MYO1B: variants seen among roughly 807,000 people sequenced by gnomAD.
MYO1B encodes myosin IB.
MYO1B carries 72 observed loss-of-function variants against 159.7 expected under a neutral mutation model. The observed-to-expected ratio is 0.45, with a 90% CI of 0.37 to 0.55. The LOEUF is 0.55. Among genes scored for constraint, MYO1B ranks in the 20% least tolerant of loss-of-function variants. The pLI is 0.00. For missense variants in MYO1B, 1,062 were observed against 1,364.8 expected (o/e 0.78, Z 3.50); for synonymous variants, 468 against 473.8 (o/e 0.99, Z 0.16).
At chr2:191,280,704 T>C (rs1209149110) in intron 2 of MYO1B, among the ~76,000 whole-genome samples, 6 of 152,172 alleles carry the variant, frequency 3.9e-5, no homozygotes, top group African/African-American at 1.4e-4. Context: ...ATAGGCTGTA[T>C]GTGAGGGGGT....
rs765964648 is a variant in MYO1B, at chr2:191,276,874, C to G, written c.-9-13C>G. The G allele has an allele frequency of 1.3e-6, 2 of 1,587,594 alleles. No homozygotes were observed. The highest frequency in any genetic ancestry group is 1.7e-6 in the Non-Finnish European group (2 of 1,170,718). On this transcript the variant is annotated splice_polypyrimidine_tract_variant and intron_variant, in intron 1 of 30. Coordinates refer to ENST00000392318, the MANE Select transcript of MYO1B (RefSeq NM_001130158.3). ...TGCTCGTTTAAATTGACCCCTTTCC[C>G]TCTCTTCTGCAGCTGGAGACCATGG... is the stretch of plus-strand genomic sequence containing the variant.
At chr2:191,300,191 C>T (rs1407798722) in intron 3 of MYO1B, among the ~76,000 whole-genome samples, 1 of 152,126 alleles carries the variant, frequency 6.6e-6, no homozygotes, top group Non-Finnish European at 1.5e-5. Flanking sequence ...GTAAGATGAC[C>T]TTAGCTTTTG....
At chr2:191,332,268 T>TA (rs368974233) in intron 4 of MYO1B, among the ~76,000 whole-genome samples, 71,312 of 151,644 alleles carry the variant, frequency 0.47, 19,915 homozygotes, top group East Asian at 0.65. Flanking sequence ...TGGCCTATTA[T>TA]CCCTCTTAAT....
chr2:191,294,796 T>TTA (rs146354960), intron 2 of MYO1B, among the ~76,000 whole-genome samples: 5,390 of 151,612 alleles, frequency 0.036, 301 homozygotes, highest in African/African-American at 0.12. Context: ...GAAAGTGTGT[T>TTA]TATATATATA....
chr2:191,249,777 C>G (rs983237788), intron 1 of MYO1B, among the ~76,000 whole-genome samples: 1 of 152,180 alleles, frequency 6.6e-6, no homozygotes, highest in Non-Finnish European at 1.5e-5. Context: ...CATTTGGGGT[C>G]TTCAAGTTCT....
At chr2:191,248,796 G>A (rs1175985278) in intron 1 of MYO1B, among the ~76,000 whole-genome samples, 1 of 152,118 alleles carries the variant, frequency 6.6e-6, no homozygotes, top group Non-Finnish European at 1.5e-5. Context: ...ATACTGTATG[G>A]TATGATGTAT....
At chr2:191,403,164 C>T (rs577209194) in intron 24 of MYO1B, among the ~76,000 whole-genome samples, 7 of 152,226 alleles carry the variant, frequency 4.6e-5, no homozygotes, top group Admixed American at 1.3e-4. Flanking sequence ...TTCTTCAGAG[C>T]GACCATTGTT....
rs1698150141 is a variant in MYO1B at position 191,425,223 on chromosome 2, T to C, written c.*1263T>C. 6.6e-6 allele frequency: 1 copy of C among 152,158 alleles called. No individual in the cohort carries two copies. Among genetic ancestry groups the C allele is most frequent in the African/African-American group, 2.4e-5 (1 of 41,446 alleles). The allele number at this position is 152,158 out of a possible 1,614,324, so 9.4% of individuals were successfully genotyped here. A position where few individuals can be genotyped will look rare whatever the true frequency, so the allele number is the denominator to read the frequency against. On this transcript the variant is annotated 3_prime_UTR_variant, in exon 31 of 31. Coordinates refer to ENST00000392318, the MANE Select transcript of MYO1B (RefSeq NM_001130158.3). Reference sequence around the variant, plus strand: ...TATTTTCATATGTTGTGTGTCAATGTATCATCTCTCAGAAAGGTTTTACAA... The same window carrying C: ...TATTTTCATATGTTGTGTGTCAATGCATCATCTCTCAGAAAGGTTTTACAA...
chr2:191,360,651 G>A lies in MYO1B; in HGVS notation c.583G>A (p.Val195Ile). The change falls in exon 8 of 31, where the codon GTT (valine) becomes ATT (isoleucine). Residue 195 changes from valine (V) to isoleucine (I), a missense_variant. Val to Ile is a conservative substitution (Grantham distance 29, BLOSUM62 3). Coordinates refer to ENST00000392318, the MANE Select transcript of MYO1B (RefSeq NM_001130158.3). ...TTTAGATCTTTTAGAGAAATCTCGGGTTGTTAAACAGCCAAGAGGTGAAAG... is the reference window on the plus strand; with the variant it reads ...TTTAGATCTTTTAGAGAAATCTCGGATTGTTAAACAGCCAAGAGGTGAAAG... ...ISNYLLEKSR[V>I]VKQPRGERNF... is the part of the protein sequence containing the mutation. 1 of 1,612,152 alleles carries A rather than the reference G, an allele frequency of 6.2e-7. No homozygotes were observed. Among genetic ancestry groups the A allele is most frequent in the Non-Finnish European group, 8.5e-7 (1 of 1,178,834 alleles).
intron 1 of MYO1B, among the ~76,000 whole-genome samples, chr2:191,248,322 G>T (rs762982960): frequency 6.6e-4 from 100 of 152,198 alleles, no homozygotes; most frequent in African/African-American, 2.4e-3. Flanking sequence ...ACACCGTACA[G>T]ATGCTCCTAG....
chr2:191,270,565 A>C (rs1687394948), intron 1 of MYO1B, among the ~76,000 whole-genome samples: 1 of 152,188 alleles, frequency 6.6e-6, no homozygotes, highest in African/African-American at 2.4e-5. Context: ...AATTTAATCT[A>C]ACCCCTCTCA....
chr2:191,400,793 A>G lies in MYO1B; in HGVS notation c.2427A>G (p.Lys809=), dbSNP rs748808147. The change falls in exon 23 of 31, where the codon AAA becomes AAG. Residue 809 remains lysine, a synonymous_variant. Coordinates refer to ENST00000392318, the MANE Select transcript of MYO1B (RefSeq NM_001130158.3). ...LRRLKEEARN[K]HAIAVIWAYW... ...GGCTGAAGGAGGAGGCTAGGAATAAACATGCTATTGCAGTTATTTGGGCTT... is the reference window on the plus strand; with the variant it reads ...GGCTGAAGGAGGAGGCTAGGAATAAGCATGCTATTGCAGTTATTTGGGCTT... 1 of 1,614,060 alleles carries G rather than the reference A, an allele frequency of 6.2e-7. No homozygotes were observed. The highest frequency in any genetic ancestry group is 8.5e-7 in the Non-Finnish European group (1 of 1,179,900).
At chr2:191,396,302 T>C in intron 20 of MYO1B, 127 bp from the exon 21 acceptor site, 1 of 892,022 alleles carries the variant, frequency 1.1e-6, no homozygotes, top group South Asian at 1.6e-5. Context: ...TCTTTATGTA[T>C]TGGTTTCCAG....
intron 30 of MYO1B, among the ~76,000 whole-genome samples, chr2:191,419,578 T>C (rs1697809432): frequency 6.6e-6 from 1 of 152,184 alleles, no homozygotes; most frequent in Admixed American, 6.5e-5. Context: ...AAGTTAATAG[T>C]AAAACAGCCT....
chr2:191,313,192 C>CTGTTTTTTT (rs1690117216), intron 3 of MYO1B, among the ~76,000 whole-genome samples: 1 of 42,992 alleles, frequency 2.3e-5, no homozygotes, highest in Non-Finnish European at 3.7e-5. Flanking sequence ...GCACACATGG[C>CTGTTTTTTT]TTTTTTTTTT....
chr2:191,387,254 A>C lies in MYO1B; in HGVS notation c.1585A>C (p.Lys529Gln). Residue 529 changes from lysine (K) to glutamine (Q), a missense_variant, in exon 17 of 31, where the codon AAA becomes CAA. Lys to Gln is a moderately conservative substitution (Grantham distance 53). This residue lies in a region of MYO1B where 609 missense variants were observed against 744.4 expected (regional missense o/e 0.82). Transcript: ENST00000392318. ...GTACCAGGTGGAAGGATTCGTTGAC[A>C]AAAACAATGACCTTCTCTATCGAGA... ...VLYQVEGFVD[K>Q]NNDLLYRDLS... The C allele has an allele frequency of 6.2e-7, 1 of 1,614,144 alleles. No homozygotes were observed. The highest frequency in any genetic ancestry group is 2.2e-5 in the East Asian group (1 of 44,886).
At chr2:191,315,105 T>C (rs1212919808) in intron 3 of MYO1B, among the ~76,000 whole-genome samples, 1 of 152,078 alleles carries the variant, frequency 6.6e-6, no homozygotes, top group Non-Finnish European at 1.5e-5. Flanking sequence ...GTTTGTATAT[T>C]GTGAGGCAGA....
intron 12 of MYO1B, 148 bp downstream of exon 12, chr2:191,369,776 T>G (rs1263950741): frequency 1.3e-5 from 9 of 672,110 alleles, no homozygotes; most frequent in Non-Finnish European, 2.2e-5. Flanking sequence ...TGTATAAGAT[T>G]GAAATTTGTC....
intron 17 of MYO1B, chr2:191,387,704 G>A (rs1339374008): frequency 2.0e-6 from 1 of 506,772 alleles, no homozygotes. Flanking sequence ...TTGAGACCTA[G>A]GGGTTTTCAA....
Sources: allele counts gnomAD v4.1 joint callset (sites outside exome capture counted in the v4.1 genomes callset), GRCh38; gene constraint gnomAD v4.1.1; regional missense constraint gnomAD v4.1.1; transcripts MANE v1.5; gene names NCBI Gene and HGNC (gene_info 2026-07-23, HGNC 2026-07-21).